RHPN2: variants seen among roughly 807,000 people sequenced by gnomAD.
RHPN2 encodes the protein rhophilin-2.
Under a neutral mutation model 79.0 loss-of-function variants are expected in RHPN2, and 40 were observed. That is an observed-to-expected ratio of 0.51 (90% CI 0.39 to 0.66). The LOEUF (loss-of-function observed/expected upper bound fraction) is 0.66. Ranked by LOEUF, RHPN2 falls within the 30% of genes least tolerant of loss-of-function variation. The pLI is 0.00. For missense variants in RHPN2, 686 were observed against 883.5 expected, an observed-to-expected ratio of 0.78 and a Z score of 2.83; for synonymous variants, 285 against 363.5, an observed-to-expected ratio of 0.78 and a Z score of 2.46.
intron 2 of RHPN2, among the ~76,000 whole-genome samples, chr19:33,033,503 T>C (rs1442505917): frequency 1.3e-5 from 2 of 152,084 alleles, no homozygotes; most frequent in African/African-American, 4.8e-5. Flanking sequence ...GAAGCGAAGA[T>C]TGCAGTGAGC....
chr19:33,040,711 T>C (rs1177888867), intron 2 of RHPN2, among the ~76,000 whole-genome samples: 1 of 152,046 alleles, frequency 6.6e-6, no homozygotes, highest in Non-Finnish European at 1.5e-5. Flanking sequence ...TTCCAGCACT[T>C]TGGGAGGCTG....
At chr19:33,010,986 C>G (rs1402642965) in intron 6 of RHPN2, among the ~76,000 whole-genome samples, 2 of 152,296 alleles carry the variant, frequency 1.3e-5, no homozygotes, top group Non-Finnish European at 2.9e-5. Context: ...CCCGGCCTCC[C>G]AAGTATTTAA....
intron 14 of RHPN2, among the ~76,000 whole-genome samples, chr19:32,982,597 G>A (rs932042218): frequency 6.6e-6 from 1 of 151,854 alleles, no homozygotes; most frequent in African/African-American, 2.4e-5. Flanking sequence ...ATAATAAAAC[G>A]AATAATCCTG....
At chr19:33,018,649 TA>T in intron 4 of RHPN2, among the ~76,000 whole-genome samples, 1 of 152,292 alleles carries the variant, frequency 6.6e-6, no homozygotes, top group Admixed American at 6.5e-5. Context: ...TCACAGGATT[TA>T]AACAAGGCAG....
intron 14 of RHPN2, among the ~76,000 whole-genome samples, chr19:32,985,148 G>A (rs1025882744): frequency 3.3e-5 from 5 of 151,870 alleles, no homozygotes; most frequent in African/African-American, 7.3e-5. Flanking sequence ...ACAGGCGCCC[G>A]CCACCACCAC....
chr19:33,015,389 C>T (rs1173064602), intron 4 of RHPN2, among the ~76,000 whole-genome samples: 3 of 152,022 alleles, frequency 2.0e-5, no homozygotes, highest in Admixed American at 6.6e-5. Flanking sequence ...TGAGCCATTG[C>T]ACTCCAGCTT....
chr19:33,034,546 CA>C (rs1477075640), intron 2 of RHPN2, among the ~76,000 whole-genome samples: 1 of 139,506 alleles, frequency 7.2e-6, no homozygotes, highest in East Asian at 2.1e-4. Context: ...GCAGAGCTTA[CA>C]GTGAACAGAG....
At chr19:33,006,309 G>A (rs991570998) in intron 7 of RHPN2, among the ~76,000 whole-genome samples, 7 of 152,174 alleles carry the variant, frequency 4.6e-5, no homozygotes, top group East Asian at 1.9e-4. Flanking sequence ...TGATCTTCCC[G>A]TCTTAGCCAC....
chr19:33,029,321 T>C (rs1221198793), intron 2 of RHPN2, among the ~76,000 whole-genome samples: 2 of 151,608 alleles, frequency 1.3e-5, no homozygotes, highest in African/African-American at 4.9e-5. Flanking sequence ...GGTCAGGAGA[T>C]CGAGACCATC....
chr19:32,998,211 TTAAG>T lies in RHPN2; in HGVS notation c.1225+1371_1225+1374del, dbSNP rs1971718394. On this transcript the variant is annotated intron_variant, in intron 10 of 14. Transcript: ENST00000254260. ...CGCACCTCATAGTGTTGTGTGGGGTTTAAGTGAGTGAATGTTTGTTAAATAAGCA... is the reference window on the plus strand; with the variant it reads ...CGCACCTCATAGTGTTGTGTGGGGTTTGAGTGAATGTTTGTTAAATAAGCA... Among the ~76,000 whole-genome samples, 3 of 152,176 alleles carry T rather than the reference TTAAG, an allele frequency of 2.0e-5. No homozygotes were observed. In the East Asian group the frequency reaches 5.8e-4, roughly 29 times the overall value.
intron 3 of RHPN2, among the ~76,000 whole-genome samples, chr19:33,021,979 C>T (rs980567114): frequency 7.9e-5 from 12 of 151,882 alleles, no homozygotes; most frequent in Non-Finnish European, 1.3e-4. Flanking sequence ...CTTGTTCTGT[C>T]GCCCAGGCTG....
intron 14 of RHPN2, among the ~76,000 whole-genome samples, chr19:32,984,649 ACT>A (rs1213551915): frequency 6.6e-6 from 1 of 151,404 alleles, no homozygotes; most frequent in African/African-American, 2.4e-5. Context: ...CAAGAGCAAG[ACT>A]CTGTCTCCAA....
At chr19:33,064,755 T>TGGCCCCCCCCCC in intron 1 of RHPN2, 29 bp downstream of exon 1, 1 of 1,427,948 alleles carries the variant, frequency 7.0e-7, no homozygotes, top group Non-Finnish European at 9.4e-7. Flanking sequence ...AGCCCGCAGG[T>TGGCCCCCCCCCC]CCCCGCCCGC....
intron 1 of RHPN2, among the ~76,000 whole-genome samples, chr19:33,046,168 C>T (rs1023537076): frequency 2.0e-5 from 3 of 152,106 alleles, no homozygotes; most frequent in Non-Finnish European, 4.4e-5. Flanking sequence ...TGTTTATGTG[C>T]GTACAAGGTT....
At chr19:33,002,532 G>T in intron 8 of RHPN2, 129 bp from the exon 9 acceptor site, 1 of 1,133,406 alleles carries the variant, frequency 8.8e-7, no homozygotes, top group Non-Finnish European at 1.3e-6. Flanking sequence ...GAATCTGGGA[G>T]CAACTCCAAG....
At chr19:32,983,773 C>T (rs941021544) in intron 14 of RHPN2, among the ~76,000 whole-genome samples, 17 of 151,568 alleles carry the variant, frequency 1.1e-4, no homozygotes, top group Non-Finnish European at 1.5e-5. Context: ...ATTACAGGCA[C>T]ATGCCACCAC....
At chr19:33,043,438 G>T (rs1404098922) in intron 2 of RHPN2, among the ~76,000 whole-genome samples, 1 of 152,110 alleles carries the variant, frequency 6.6e-6, no homozygotes, top group Non-Finnish European at 1.5e-5. Context: ...TGTGGTCCCA[G>T]CTACTGGGGA....
Position 33,002,329 on chromosome 19 carries a change from C to T in RHPN2, c.1023G>A (p.Trp341Ter). ...APVKENIPYS[W>*]ASLACVKAHH... is the part of the protein sequence containing the mutation. Reference sequence around the variant, plus strand: ...GGGCCTTCACGCAGGCTAAGCTGGCCCAGGAGTAGGGGATGTTCTCTTTCA... The same window carrying T: ...GGGCCTTCACGCAGGCTAAGCTGGCTCAGGAGTAGGGGATGTTCTCTTTCA... The change falls in exon 9 of 15, where the codon TGG becomes TGA. Residue 341 changes from tryptophan (W) to a stop codon, truncating the protein, a stop_gained. Coordinates refer to ENST00000254260, the MANE Select transcript of RHPN2 (RefSeq NM_033103.5). LOFTEE classifies it high-confidence loss of function. The T allele has an allele frequency of 1.9e-6, 3 of 1,613,942 alleles. No homozygotes were observed. The highest frequency in any genetic ancestry group is 2.5e-6 in the Non-Finnish European group (3 of 1,179,866).
At chr19:33,051,923 G>A (rs1292497048) in intron 1 of RHPN2, among the ~76,000 whole-genome samples, 5 of 150,622 alleles carry the variant, frequency 3.3e-5, no homozygotes, top group South Asian at 2.1e-4. Context: ...CTCGGGAGTC[G>A]GAGGTTGCAG....
Sources: gnomAD v4.1 joint callset for allele counts (sites outside exome capture counted in the v4.1 genomes callset) on GRCh38, gnomAD v4.1.1 for gene constraint, MANE v1.5 for transcripts, NCBI Gene and HGNC (gene_info 2026-07-23, HGNC 2026-07-21) for gene names.